RBFOX1: variants seen among roughly 807,000 people sequenced by gnomAD.
RBFOX1 encodes RNA binding protein fox-1 homolog 1.
RBFOX1 carries 8 observed loss-of-function variants against 57.7 expected under a neutral mutation model. The observed-to-expected ratio is 0.14, with a 90% CI of 0.08 to 0.25. The LOEUF is 0.25. Ranked by LOEUF, RBFOX1 falls within the 10% of genes least tolerant of loss-of-function variation. The probability of loss-of-function intolerance (pLI) is 1.00; values close to 1 mark genes in which losing one functional copy is unlikely to be tolerated. For missense variants in RBFOX1, 611 were observed against 548.5 expected, an observed-to-expected ratio of 1.11 and a Z score of -1.14; for synonymous variants, 326 against 222.4, an observed-to-expected ratio of 1.47 and a Z score of -4.15.
intron 5 of RBFOX1, among the ~76,000 whole-genome samples, chr16:7,556,660 G>T (rs1389382195): frequency 6.6e-6 from 1 of 152,102 alleles, no homozygotes; most frequent in African/African-American, 2.4e-5. Context: ...TAAGACCTTA[G>T]TTCTAGGACC....
intron 4 of RBFOX1, among the ~76,000 whole-genome samples, chr16:7,349,456 G>C (rs141381747): frequency 2.6e-5 from 4 of 152,170 alleles, no homozygotes; most frequent in Non-Finnish European, 4.4e-5. Flanking sequence ...GTCATGGATC[G>C]GGCTTGCCAA....
chr16:6,829,946 T>G (rs913907848), intron 3 of RBFOX1, among the ~76,000 whole-genome samples: 14 of 151,516 alleles, frequency 9.2e-5, no homozygotes. Flanking sequence ...GATGGAGTTT[T>G]GCTCTTGTTG....
chr16:6,688,046 C>G (rs181822733), intron 3 of RBFOX1, among the ~76,000 whole-genome samples: 3 of 152,190 alleles, frequency 2.0e-5, no homozygotes, highest in Admixed American at 6.5e-5. Flanking sequence ...TTAGTCCATT[C>G]TTGCACTGCC....
At chr16:6,517,059 A>T (rs943592380) in intron 2 of RBFOX1, among the ~76,000 whole-genome samples, 5 of 152,164 alleles carry the variant, frequency 3.3e-5, no homozygotes, top group Non-Finnish European at 5.9e-5. Context: ...CTCTCATTCC[A>T]AATATAGAGG....
rs188589642 is a variant in RBFOX1 at position 7,378,069 on chromosome 16, G to T, written c.28-140078G>T. On this transcript the variant is annotated intron_variant, in intron 4 of 15. Coordinates refer to ENST00000550418, the MANE Select transcript of RBFOX1 (RefSeq NM_018723.4). ...AGCAAAGAGACTCCGGTGGCTAGAG[G>T]ATTCTAATGGAGAAGTAGGAGGCAG... Among the ~76,000 whole-genome samples the T allele has an allele frequency of 2.6e-5, 4 of 152,346 alleles. 1 individual carries two copies. The highest frequency in any genetic ancestry group is 9.6e-5 in the African/African-American group (4 of 41,576).
At position 6,032,229 on chromosome 16, in the gene RBFOX1, C is replaced by T. The variant is rs185672730; in HGVS notation, c.-127+12237C>T. The stretch of plus-strand genomic sequence containing the variant: ...AAGAAACATTTAGCTGTATTTTCCT[C>T]GTTCTCGCCTAGGTAGGGTGTGGTC... On this transcript the variant is annotated intron_variant, in intron 1 of 15. Transcript: ENST00000550418. Among the ~76,000 whole-genome samples the T allele has an allele frequency of 3.9e-5, 6 of 152,234 alleles. No homozygotes were observed. The East Asian group carries it at 5.8e-4, about 15-fold the overall frequency.
rs552038790 is a variant in RBFOX1, at chr16:5,954,776, T to C, written c.351+87441T>C. The stretch of plus-strand genomic sequence containing the variant: ...ATTGCAGAGGCTACATTTAAAATGC[T>C]TCCTTCCTCCCCTTCCTGCAGCCTC... On this transcript the variant is annotated intron_variant, in intron 4 of 19. Coordinates refer to the RBFOX1 transcript ENST00000641259. Among the ~76,000 whole-genome samples, 28 of 152,268 alleles carry C rather than the reference T, an allele frequency of 1.8e-4. No homozygotes were observed. The East Asian group carries it at 5.2e-3, about 29-fold the overall frequency.
chr16:7,552,318 C>A (rs561861395), intron 5 of RBFOX1, among the ~76,000 whole-genome samples: 4 of 152,104 alleles, frequency 2.6e-5, no homozygotes, highest in African/African-American at 7.2e-5. Context: ...TCCATAGACT[C>A]CATCAATTTC....
At position 5,810,468 on chromosome 16, in the gene RBFOX1, G is replaced by T. The variant is rs80056581; in HGVS notation, c.319-56835G>T. Among the ~76,000 whole-genome samples the T allele has an allele frequency of 6.9e-3, 1,053 of 152,288 alleles. 15 individuals are homozygous for T. Among genetic ancestry groups the T allele is most frequent in the African/African-American group, 0.023 (969 of 41,562 alleles). On this transcript the variant is annotated intron_variant, in intron 3 of 19. Coordinates refer to the RBFOX1 transcript ENST00000641259. ...TTAATTTTTGTTGCATAAGCACCCA[G>T]CCTGGTGCTTTGTAATGGCAGCCCT...
At chr16:6,994,158 A>T (rs1596370063) in intron 3 of RBFOX1, among the ~76,000 whole-genome samples, 1 of 151,988 alleles carries the variant, frequency 6.6e-6, no homozygotes, top group African/African-American at 2.4e-5. Flanking sequence ...TATTGGCGGG[A>T]TCAGGGAGCC....
At chr16:5,627,054 G>A (rs746357412) in intron 3 of RBFOX1, among the ~76,000 whole-genome samples, 13 of 152,168 alleles carry the variant, frequency 8.5e-5, no homozygotes, top group Middle Eastern at 3.4e-3. Context: ...TAGACATCCC[G>A]GCTTTGCAGT....
At chr16:6,109,723 A>C (rs1278274457) in intron 1 of RBFOX1, among the ~76,000 whole-genome samples, 2 of 152,214 alleles carry the variant, frequency 1.3e-5, no homozygotes, top group African/African-American at 4.8e-5. Flanking sequence ...GGATAGTAGA[A>C]TATTTTATCA....
At chr16:6,663,837 A>G (rs1469570649) in intron 3 of RBFOX1, among the ~76,000 whole-genome samples, 1 of 152,224 alleles carries the variant, frequency 6.6e-6, no homozygotes, top group Non-Finnish European at 1.5e-5. Flanking sequence ...GGCCAGGTGC[A>G]GAGGAGGGAG....
At chr16:6,844,415 C>G (rs1046693611) in intron 3 of RBFOX1, among the ~76,000 whole-genome samples, 1 of 152,178 alleles carries the variant, frequency 6.6e-6, no homozygotes, top group Non-Finnish European at 1.5e-5. Context: ...TCTCATCATT[C>G]ACCTACTACT....
At chr16:6,224,134 G>A (rs1278891005) in intron 1 of RBFOX1, among the ~76,000 whole-genome samples, 3 of 152,138 alleles carry the variant, frequency 2.0e-5, no homozygotes, top group African/African-American at 4.8e-5. Flanking sequence ...GTCAGGTAGC[G>A]TGATGCCTCC....
chr16:5,400,603 A>G (rs1177285584), intron 1 of RBFOX1, among the ~76,000 whole-genome samples: 2 of 152,280 alleles, frequency 1.3e-5, no homozygotes, highest in Non-Finnish European at 2.9e-5. Flanking sequence ...ATTAAAACTT[A>G]CATAATATTC....
chr16:7,266,896 G>C (rs926445353), intron 4 of RBFOX1, among the ~76,000 whole-genome samples: 4 of 152,082 alleles, frequency 2.6e-5, no homozygotes, highest in African/African-American at 4.8e-5. Flanking sequence ...GAGTGGTGTG[G>C]AAGCACTCCT....
chr16:6,784,376 G>A (rs766561926), intron 3 of RBFOX1, among the ~76,000 whole-genome samples: 3 of 151,794 alleles, frequency 2.0e-5, no homozygotes, highest in Non-Finnish European at 4.4e-5. Flanking sequence ...TCTTTCTTCT[G>A]CTTCACCAAT....
At chr16:5,893,741 G>T (rs1455636628) in intron 4 of RBFOX1, among the ~76,000 whole-genome samples, 2 of 151,974 alleles carry the variant, frequency 1.3e-5, no homozygotes, top group African/African-American at 4.8e-5. Flanking sequence ...AGGAAGCAGA[G>T]GTTGCAGTGA....
Sources: gnomAD v4.1 joint callset for allele counts (sites outside exome capture counted in the v4.1 genomes callset) on GRCh38, gnomAD v4.1.1 for gene constraint, MANE v1.5 for transcripts, NCBI Gene and HGNC (gene_info 2026-07-23, HGNC 2026-07-21) for gene names.